Variants in ABCB11 observed in about 807,000 individuals in gnomAD.
ABCB11 encodes ATP binding cassette subfamily B member 11.
ABCB11 carries 95 observed loss-of-function variants against 148.0 expected under a neutral mutation model. That is an observed-to-expected ratio of 0.64 (90% confidence interval 0.54 to 0.76). The LOEUF (loss-of-function observed/expected upper bound fraction) is 0.76, where lower values mean the gene tolerates loss of function less well. ABCB11 is among the 30% of genes least tolerant of loss of function. ABCB11 has a pLI of 0.00. For missense variants in ABCB11, 1,523 were observed against 1,617.8 expected (o/e 0.94, Z 1.01); for synonymous variants, 591 against 555.4 (o/e 1.06, Z -0.90).
chr2:168,925,948 T>C (rs1691289196), intron 26 of ABCB11, among the ~76,000 whole-genome samples: 1 of 152,182 alleles, frequency 6.6e-6, no homozygotes, highest in Admixed American at 6.5e-5. Flanking sequence ...ATTCAGCAAA[T>C]AGTAATTTCC....
intron 21 of ABCB11, among the ~76,000 whole-genome samples, chr2:168,940,583 C>G (rs1692021728): frequency 6.6e-6 from 1 of 152,054 alleles, no homozygotes; most frequent in South Asian, 2.1e-4. Context: ...GGTGAAGCAG[C>G]AGTGCTAATG....
chr2:168,974,352 T>C (rs1255507671), intron 12 of ABCB11, among the ~76,000 whole-genome samples: 1 of 151,948 alleles, frequency 6.6e-6, no homozygotes. Context: ...ATATACACGG[T>C]GTGTTTGCTA....
chr2:168,974,886 G>A (rs950482655), intron 12 of ABCB11, among the ~76,000 whole-genome samples: 5 of 150,038 alleles, frequency 3.3e-5, no homozygotes, highest in African/African-American at 1.2e-4. Context: ...ATATGTAATA[G>A]ATAATAAAAA....
At chr2:168,920,426 A>T (rs1330047930), downstream of ABCB11, among the ~76,000 whole-genome samples, 4 of 152,034 alleles carry the variant, frequency 2.6e-5, no homozygotes. Flanking sequence ...TTGACTAATT[A>T]TTGCACCACC....
chr2:169,006,042 C>T (rs1435803516), intron 5 of ABCB11, among the ~76,000 whole-genome samples: 1 of 152,136 alleles, frequency 6.6e-6, no homozygotes, highest in Non-Finnish European at 1.5e-5. Flanking sequence ...CACTGCCAAA[C>T]TATCAGGCCA....
At chr2:168,972,807 A>C (rs1693643936) in intron 13 of ABCB11, among the ~76,000 whole-genome samples, 1 of 152,052 alleles carries the variant, frequency 6.6e-6, no homozygotes, top group South Asian at 2.1e-4. Flanking sequence ...AGACAGAGTG[A>C]AAAGAGCATG....
chr2:168,959,248 G>A lies in ABCB11; in HGVS notation c.2179-1120C>T, dbSNP rs532573780. On this transcript the variant is annotated intron_variant, in intron 18 of 27. Coordinates refer to ENST00000650372, the MANE Select transcript of ABCB11 (RefSeq NM_003742.4). ...GAATTTGGTACTACCTCCACTTCAA[G>A]TTCTCTCTTGGCCTGCTCTCACCAT... Among the ~76,000 whole-genome samples, 3 of 151,786 alleles carry A rather than the reference G, an allele frequency of 2.0e-5. No individual in the cohort carries two copies. In the East Asian group the frequency reaches 5.9e-4, roughly 30 times the overall value.
At chr2:169,025,948 T>C (rs1383677177) in intron 1 of ABCB11, among the ~76,000 whole-genome samples, 1 of 152,242 alleles carries the variant, frequency 6.6e-6, no homozygotes. Context: ...GGGAAGGATC[T>C]AATGTAGTGG....
chr2:168,930,960 C>A, intron 24 of ABCB11, 98 bp from the exon 25 acceptor site: 1 of 1,084,654 alleles, frequency 9.2e-7, no homozygotes, highest in Non-Finnish European at 1.3e-6. Context: ...GCTTGAGATA[C>A]CTTCAAACCA....
chr2:168,994,920 A>T (rs952340681), intron 7 of ABCB11, among the ~76,000 whole-genome samples: 1 of 152,000 alleles, frequency 6.6e-6, no homozygotes, highest in African/African-American at 2.4e-5. Context: ...AGTGTGCTTT[A>T]TCTACACTGT....
intron 10 of ABCB11, among the ~76,000 whole-genome samples, chr2:168,981,448 A>T (rs2105987784): frequency 6.6e-6 from 1 of 152,270 alleles, no homozygotes; most frequent in South Asian, 2.1e-4. Flanking sequence ...CAACACAGGG[A>T]TAATGATAGC....
chr2:168,923,593 T>C lies in ABCB11; in HGVS notation c.*29A>G. The C allele has an allele frequency of 6.2e-7, 1 of 1,608,706 alleles. No homozygotes were observed. The highest frequency in any genetic ancestry group is 8.5e-7 in the Non-Finnish European group (1 of 1,175,234). Reference sequence around the variant, plus strand: ...AAAAACAACCCCTGTAACTGGTGCGTCATGTGTGTCTGAGATTCTTGCATT... The same window carrying C: ...AAAAACAACCCCTGTAACTGGTGCGCCATGTGTGTCTGAGATTCTTGCATT... On this transcript the variant is annotated 3_prime_UTR_variant, in exon 28 of 28. Transcript: ENST00000650372.
intron 1 of ABCB11, among the ~76,000 whole-genome samples, chr2:169,020,289 C>G (rs1424240420): frequency 6.6e-6 from 1 of 151,840 alleles, no homozygotes; most frequent in Admixed American, 6.6e-5. Flanking sequence ...AATATTTAAC[C>G]ATTTTTTAAT....
At chr2:169,017,424 T>C (rs951508084) in intron 2 of ABCB11, among the ~76,000 whole-genome samples, 2 of 152,136 alleles carry the variant, frequency 1.3e-5, no homozygotes, top group African/African-American at 4.8e-5. Flanking sequence ...TTTACTCTTA[T>C]TAAAGTAAAG....
Position 168,979,801 on chromosome 2 carries a change from T to C in ABCB11, c.1197+65A>G, listed in dbSNP as rs1694071175. 10 of 924,630 alleles carry C rather than the reference T, an allele frequency of 1.1e-5. No individual in the cohort carries two copies. The South Asian group carries it at 1.5e-4, about 14-fold the overall frequency. The allele number at this position is 924,630 out of a possible 1,614,324, so 57.3% of individuals were successfully genotyped here. A position where few individuals can be genotyped will look rare whatever the true frequency, so the allele number is the denominator to read the frequency against. ...AACTTTAAGGTAAATTCTTCAGGAG[T>C]TCATTCTGTGCCCCACCCCCCAGCC... On this transcript the variant is annotated intron_variant, in intron 11 of 27. Coordinates refer to ENST00000650372, the MANE Select transcript of ABCB11 (RefSeq NM_003742.4).
chr2:168,938,835 T>A (rs912130524), intron 21 of ABCB11, among the ~76,000 whole-genome samples: 15 of 152,108 alleles, frequency 9.9e-5, no homozygotes, highest in Admixed American at 2.0e-4. Flanking sequence ...GGTATTTTTT[T>A]AAAAATTGAA....
rs772992708 is a variant in ABCB11 at position 168,964,299 on chromosome 2, G to T, written c.2085C>A (p.Ile695=). The change falls in exon 18 of 28, where the codon ATC becomes ATA. Residue 695 remains isoleucine, a synonymous_variant. Coordinates refer to ENST00000650372, the MANE Select transcript of ABCB11 (RefSeq NM_003742.4). ...AAAGCTGAGACTTGGAGCGTTGCCGGATGGAAGCCCTGTAAATAAACAGAA... is the reference window on the plus strand; with the variant it reads ...AAAGCTGAGACTTGGAGCGTTGCCGTATGGAAGCCCTGTAAATAAACAGAA... ...GSYQDSLRAS[I]RQRSKSQLSY... 2 of 1,562,774 alleles carry T rather than the reference G, an allele frequency of 1.3e-6. No homozygotes were observed. The highest frequency in any genetic ancestry group is 1.7e-6 in the Non-Finnish European group (2 of 1,151,904).
rs1691361418 is a variant in ABCB11 at position 168,927,308 on chromosome 2, T to C, written c.3466A>G (p.Ile1156Val). The C allele has an allele frequency of 1.9e-6, 3 of 1,613,822 alleles. No individual in the cohort carries two copies. The highest frequency in any genetic ancestry group is 1.3e-5 in the African/African-American group (1 of 74,926). ...ACTGGTTCCTGGGAAACAATTCCAA[T>C]GTTTGAGCGGAGGAACTGGACATTT... ...KVNVQFLRSN[I>V]GIVSQEPVLF... is the part of the protein sequence containing the mutation. Residue 1156 changes from isoleucine to valine, a missense_variant, in exon 26 of 28, where the codon ATT becomes GTT. Coordinates refer to ENST00000650372, the MANE Select transcript of ABCB11 (RefSeq NM_003742.4).
chr2:168,970,444 G>T, intron 14 of ABCB11: 1 of 1,192,960 alleles, frequency 8.4e-7, no homozygotes. Context: ...TTACTGGGCT[G>T]TGTAAATATT....
Sources: allele counts gnomAD v4.1 joint callset (sites outside exome capture counted in the v4.1 genomes callset), GRCh38; gene constraint gnomAD v4.1.1; transcripts MANE v1.5; gene names NCBI Gene and HGNC (gene_info 2026-07-23, HGNC 2026-07-21).